Variants in TOM1L1 observed in about 807,000 individuals in gnomAD.
TOM1L1 encodes target of myb1 like 1 membrane trafficking protein, also known as TOM1-like protein 1.
A neutral mutation model predicts 63.4 loss-of-function variants in TOM1L1; 64 were observed. That is an observed-to-expected ratio of 1.01 (90% CI 0.83 to 1.24). The LOEUF is 1.24. TOM1L1 is among the 50% of genes most tolerant of loss of function. TOM1L1 has a pLI of 0.00. For synonymous variants in TOM1L1, 166 were observed against 194.4 expected, an observed-to-expected ratio of 0.85 and a Z score of 1.22; for missense variants, 536 against 567.0, an observed-to-expected ratio of 0.95 and a Z score of 0.55.
At chr17:54,931,477 A>G (rs1229385599) in intron 8 of TOM1L1, among the ~76,000 whole-genome samples, 1 of 152,152 alleles carries the variant, frequency 6.6e-6, no homozygotes, top group Non-Finnish European at 1.5e-5. Context: ...ACTTATCATG[A>G]GTGAATTAAG....
chr17:54,918,331 C>T (rs1391637364), intron 7 of TOM1L1, among the ~76,000 whole-genome samples: 3 of 152,170 alleles, frequency 2.0e-5, no homozygotes, highest in Non-Finnish European at 2.9e-5. Context: ...TATATCCATG[C>T]AAACCTATAC....
intron 14 of TOM1L1, 132 bp from the exon 15 acceptor site, chr17:54,960,434 A>C (rs1266086867): frequency 1.5e-6 from 1 of 670,510 alleles, no homozygotes; most frequent in Non-Finnish European, 2.7e-6. Flanking sequence ...CAGGGCAGAG[A>C]CTTATTTTTA....
At chr17:54,922,244 G>A (rs963121054) in intron 7 of TOM1L1, among the ~76,000 whole-genome samples, 3 of 152,024 alleles carry the variant, frequency 2.0e-5, no homozygotes, top group African/African-American at 7.2e-5. Flanking sequence ...AGTGAGCCGA[G>A]ATCAAGCCAC....
chr17:54,947,335 A>C, intron 12 of TOM1L1, 23 bp downstream of exon 12: 2 of 1,611,800 alleles, frequency 1.2e-6, no homozygotes, highest in South Asian at 2.2e-5. Context: ...ACTCTTTTCT[A>C]GCAGTGCATC....
chr17:54,914,593 G>A, intron 5 of TOM1L1, 46 bp from the exon 6 acceptor site: 1 of 1,510,752 alleles, frequency 6.6e-7, no homozygotes, highest in East Asian at 2.3e-5. Context: ...GCGTTGGGTG[G>A]CTATGTTAAT....
intron 7 of TOM1L1, among the ~76,000 whole-genome samples, chr17:54,920,359 T>C (rs759858157): frequency 6.6e-6 from 1 of 152,186 alleles, no homozygotes; most frequent in African/African-American, 2.4e-5. Flanking sequence ...AACCAACCAA[T>C]ATTCACAATT....
At position 54,912,746 on chromosome 17, in the gene TOM1L1, A is replaced by G; in HGVS notation, c.303A>G (p.Leu101=). The G allele has an allele frequency of 6.2e-7, 1 of 1,612,136 alleles. No homozygotes were observed. The highest frequency in any genetic ancestry group is 1.3e-5 in the African/African-American group (1 of 74,950). Residue 101 remains leucine, a synonymous_variant, in exon 4 of 16, where the codon TTA becomes TTG. Coordinates refer to ENST00000575882, the MANE Select transcript of TOM1L1 (RefSeq NM_005486.3). ...IVKKEFVKEN[L]VKLLNPRYNL... ...AGAAGGAATTTGTTAAAGAGAATTT[A>G]GTTAAGCTACTGAATCCCAGATACA...
chr17:54,950,618 T>C (rs2049207278), intron 14 of TOM1L1, among the ~76,000 whole-genome samples: 1 of 152,192 alleles, frequency 6.6e-6, no homozygotes, highest in African/African-American at 2.4e-5. Flanking sequence ...GGTCAAGATA[T>C]ATAAATATTA....
intron 3 of TOM1L1, among the ~76,000 whole-genome samples, chr17:54,911,043 T>C (rs1440337340): frequency 6.6e-6 from 1 of 152,246 alleles, no homozygotes; most frequent in Non-Finnish European, 1.5e-5. Context: ...ATTTTGTTTT[T>C]AGTTTACTTT....
chr17:54,958,748 A>AAAAAAAAAAAAAAAAAAAAAAAAAG (rs372776781), intron 14 of TOM1L1, among the ~76,000 whole-genome samples: 1 of 118,928 alleles, frequency 8.4e-6, no homozygotes, highest in African/African-American at 3.1e-5. Flanking sequence ...AAAAAAAAAA[A>AAAAAAAAAAAAAAAAAAAAAAAAAG]GGGGTTGTTG....
intron 12 of TOM1L1, 31 bp downstream of exon 12, chr17:54,947,343 A>C (rs761041263): frequency 4.4e-6 from 7 of 1,605,710 alleles, no homozygotes; most frequent in African/African-American, 2.7e-5. Context: ...CTAGCAGTGC[A>C]TCTAGTCAGC....
In TOM1L1 at chr17:54,930,215, A is replaced by G. The variant is rs748335325; in HGVS notation, c.854+9A>G. The G allele has an allele frequency of 6.2e-7, 1 of 1,614,042 alleles. No homozygotes were observed. The highest frequency in any genetic ancestry group is 8.5e-7 in the Non-Finnish European group (1 of 1,179,938). ...ATCCTTGGATATGAGAGGTGAGCAG[A>G]TCATGTACCCTCTTTACCCCTCTTC... On this transcript the variant is annotated intron_variant, in intron 8 of 15. Transcript: ENST00000575882.
chr17:54,954,063 G>C (rs2049368905), intron 14 of TOM1L1: 1 of 152,150 alleles, frequency 6.6e-6, no homozygotes, highest in Non-Finnish European at 1.5e-5. Context: ...AGCCACTCTT[G>C]ATTCTTGTTA....
In TOM1L1 at chr17:54,936,668, A is replaced by AGGAT. The variant is rs747627727; in HGVS notation, c.875_878dup (p.Ile293MetfsTer7). On this transcript the variant is annotated frameshift_variant, in exon 9 of 16. Coordinates refer to ENST00000575882, the MANE Select transcript of TOM1L1 (RefSeq NM_005486.3). LOFTEE classifies it high-confidence loss of function. ...AAACAGGTTTACTAGAAACCAACAA[A>AGGAT]GGATTTTGGAGCAAAATAAGAACCA... The AGGAT allele has an allele frequency of 1.2e-6, 2 of 1,607,480 alleles. No homozygotes were observed. Among genetic ancestry groups the AGGAT allele is most frequent in the East Asian group, 4.5e-5 (2 of 44,686 alleles).
At chr17:54,943,796 G>T (rs12450361) in intron 11 of TOM1L1, among the ~76,000 whole-genome samples, 2,256 of 151,850 alleles carry the variant, frequency 0.015, 28 homozygotes, top group Middle Eastern at 0.044. Flanking sequence ...AGCTAATACG[G>T]TGAAACCCTG....
At chr17:54,902,472 T>C (rs1017265154) in intron 1 of TOM1L1, among the ~76,000 whole-genome samples, 1 of 152,134 alleles carries the variant, frequency 6.6e-6, no homozygotes, top group Non-Finnish European at 1.5e-5. Context: ...GTATTTTTAG[T>C]AGAGATGGAG....
Position 54,912,693 on chromosome 17 carries a change from G to C in TOM1L1, c.250G>C (p.Gly84Arg), listed in dbSNP as rs1369273712. 1 of 1,604,076 alleles carries C rather than the reference G, an allele frequency of 6.2e-7. No homozygotes were observed. ...SLIDMCVQNC[G>R]PSFQSLIVKK... ...TATTGACATGTGTGTGCAGAACTGTGGTCCAAGTTTCCAGTCTCTGATTGT... is the reference window on the plus strand; with the variant it reads ...TATTGACATGTGTGTGCAGAACTGTCGTCCAAGTTTCCAGTCTCTGATTGT... The change falls in exon 4 of 16, where the codon GGT becomes CGT. Residue 84 changes from glycine (G) to arginine (R), a missense_variant. Coordinates refer to ENST00000575882, the MANE Select transcript of TOM1L1 (RefSeq NM_005486.3).
chr17:54,942,768 C>G (rs929899276), intron 11 of TOM1L1, among the ~76,000 whole-genome samples: 2 of 152,042 alleles, frequency 1.3e-5, no homozygotes, highest in Non-Finnish European at 2.9e-5. Flanking sequence ...ATAACTACCC[C>G]CAGTCAGGAT....
intron 14 of TOM1L1, among the ~76,000 whole-genome samples, chr17:54,951,654 A>G (rs1445633872): frequency 1.3e-5 from 2 of 152,204 alleles, no homozygotes. Flanking sequence ...GTATCATAAG[A>G]CCACAGTTGC....
Sources: allele counts gnomAD v4.1 joint callset (sites outside exome capture counted in the v4.1 genomes callset), GRCh38; gene constraint gnomAD v4.1.1; transcripts MANE v1.5; gene names NCBI Gene and HGNC (gene_info 2026-07-23, HGNC 2026-07-21).